MYO1A: variants seen among roughly 807,000 people sequenced by gnomAD.
MYO1A encodes the protein myosin IA, also known as unconventional myosin-Ia.
MYO1A carries 127 observed loss-of-function variants against 138.5 expected under a neutral mutation model. That is an observed-to-expected ratio of 0.92 (90% confidence interval 0.79 to 1.06). MYO1A has a LOEUF of 1.06. Among genes scored for constraint, MYO1A ranks in the 50% least tolerant of loss-of-function variants. The pLI is 0.00. For synonymous variants in MYO1A, 477 were observed against 497.5 expected, an observed-to-expected ratio of 0.96 and a Z score of 0.55; for missense variants, 1,211 against 1,288.8, an observed-to-expected ratio of 0.94 and a Z score of 0.92.
At chr12:57,030,029 A>C (rs1168976940) in intron 24 of MYO1A, 157 bp from the exon 25 acceptor site, 3 of 1,355,276 alleles carry the variant, frequency 2.2e-6, no homozygotes, top group Non-Finnish European at 3.1e-6. Context: ...CATCAGCACC[A>C]CCTGGGGAGT....
intron 22 of MYO1A, among the ~76,000 whole-genome samples, chr12:57,032,976 ACTAT>A (rs2030358410): frequency 6.6e-6 from 1 of 152,214 alleles, no homozygotes; most frequent in Non-Finnish European, 1.5e-5. Context: ...AACACCTTGC[ACTAT>A]CTGTGTGCTC....
chr12:57,047,865 A>T (rs1158871601), intron 3 of MYO1A, 124 bp downstream of exon 3: 2 of 1,559,486 alleles, frequency 1.3e-6, no homozygotes, highest in Non-Finnish European at 1.7e-6. Context: ...AGGGGCCTCC[A>T]GAAGGCCAGG....
intron 22 of MYO1A, among the ~76,000 whole-genome samples, chr12:57,034,725 T>C (rs1267594604): frequency 6.6e-6 from 1 of 151,878 alleles, no homozygotes; most frequent in Non-Finnish European, 1.5e-5. Context: ...TCCTAGCACT[T>C]TGGGAGGCCG....
Position 57,048,045 on chromosome 12 carries a change from C to T in MYO1A, c.174G>A (p.Gly58=), listed in dbSNP as rs769355052. The T allele has an allele frequency of 7.4e-6, 12 of 1,614,150 alleles. No homozygotes were observed. The highest frequency in any genetic ancestry group is 1.0e-5 in the Non-Finnish European group (12 of 1,180,022). The change falls in exon 3 of 28, where the codon GGG becomes GGA. Residue 58 remains glycine (G), a synonymous_variant. Transcript: ENST00000300119. ...VNPYQQLPIY[G]PEFIAKYQDY... ...CTTGATATTTGGCAATGAACTCTGGCCCATAGATGGGAAGCTGTTGATAGG... is the reference window on the plus strand; with the variant it reads ...CTTGATATTTGGCAATGAACTCTGGTCCATAGATGGGAAGCTGTTGATAGG...
At chr12:57,047,501 T>C (rs2031158359) in intron 4 of MYO1A, 94 bp from the exon 5 acceptor site, 5 of 1,497,064 alleles carry the variant, frequency 3.3e-6, no homozygotes, top group East Asian at 2.3e-5. Flanking sequence ...TCACCACCCC[T>C]TGGAGTCAGA....
intron 27 of MYO1A, 29 bp from the exon 28 acceptor site, chr12:57,028,910 G>C (rs753615797): frequency 6.2e-7 from 1 of 1,612,744 alleles, no homozygotes; most frequent in South Asian, 1.1e-5. Flanking sequence ...ACCAAGTCTA[G>C]TGCCCATCCC....
chr12:57,047,023 C>T, intron 6 of MYO1A, 38 bp downstream of exon 6: 1 of 1,613,610 alleles, frequency 6.2e-7, no homozygotes, highest in Non-Finnish European at 8.5e-7. Flanking sequence ...CTTAAGCCCC[C>T]ACATCCTCTC....
intron 13 of MYO1A, 70 bp downstream of exon 13, chr12:57,041,362 C>G: frequency 6.3e-7 from 1 of 1,594,138 alleles, no homozygotes; most frequent in Non-Finnish European, 8.6e-7. Context: ...TCCCCTCCCT[C>G]ACATCCCCCC....
chr12:57,049,353 G>A (rs1277839088), intron 1 of MYO1A, among the ~76,000 whole-genome samples: 3 of 152,228 alleles, frequency 2.0e-5, no homozygotes, highest in Non-Finnish European at 4.4e-5. Context: ...GAACAGGAAT[G>A]AAAGAGACAC....
At position 57,046,533 on chromosome 12, in the gene MYO1A, T is replaced by C. The variant is rs550377263; in HGVS notation, c.640+19A>G. 2.5e-6 allele frequency: 4 copies of C among 1,601,720 alleles called. No homozygotes were observed. Among genetic ancestry groups the C allele is most frequent in the Non-Finnish European group, 2.6e-6 (3 of 1,168,988 alleles). On this transcript the variant is annotated intron_variant, in intron 8 of 27. Transcript: ENST00000300119. ...CCATGTGTCACTCATGAGGACACTT[T>C]CCCCATGCAGGCACATACTCAGCAG...
At chr12:57,043,421 A>C (rs1331137100) in intron 10 of MYO1A, 63 bp from the exon 11 acceptor site, 1 of 1,494,888 alleles carries the variant, frequency 6.7e-7, no homozygotes, top group Admixed American at 1.7e-5. Flanking sequence ...GAGGGAGTGC[A>C]ATCTGATAAG....
chr12:57,032,689 GA>G (rs755496418), intron 22 of MYO1A, among the ~76,000 whole-genome samples: 1 of 149,844 alleles, frequency 6.7e-6, no homozygotes, highest in African/African-American at 2.5e-5. Flanking sequence ...TAAAAAAGAA[GA>G]AAAAAAAAGG....
At chr12:57,033,282 C>A (rs1446810105) in intron 22 of MYO1A, among the ~76,000 whole-genome samples, 1 of 152,196 alleles carries the variant, frequency 6.6e-6, no homozygotes, top group African/African-American at 2.4e-5. Flanking sequence ...TTTCCAGGAT[C>A]CAATCAAGCT....
At chr12:57,047,226 C>G (rs1015048866) in intron 5 of MYO1A, 77 bp downstream of exon 5, 2 of 1,581,152 alleles carry the variant, frequency 1.3e-6, no homozygotes, top group Admixed American at 3.3e-5. Context: ...TTTTGCAGCA[C>G]TGGGGAAGAG....
chr12:57,029,435 C>T lies in MYO1A; in HGVS notation c.2877G>A (p.Glu959=), dbSNP rs774383209. The change falls in exon 26 of 28, where the codon GAG becomes GAA. Residue 959 remains glutamate (E), a splice_region_variant and synonymous_variant. Coordinates refer to ENST00000300119, the MANE Select transcript of MYO1A (RefSeq NM_005379.4). ...GGCTTGCCCCACCCAGCTCTGATAC[C>T]TCACTCAGATGCAAGCTAAAGAGCC... ...KDGLFSLHLS[E]MSSVGSKGDF... 4 of 1,613,992 alleles carry T rather than the reference C, an allele frequency of 2.5e-6. No homozygotes were observed. Among genetic ancestry groups the T allele is most frequent in the Non-Finnish European group, 3.4e-6 (4 of 1,179,994 alleles).
Position 57,046,889 on chromosome 12 carries a change from G to T in MYO1A, c.515C>A (p.Ser172Tyr). 6.2e-7 allele frequency: 1 copy of T among 1,614,120 alleles called. No individual in the cohort carries two copies. ...YMDIEFDFKG[S>Y]PLGGVITNYL... ...GTTTGTGATGACACCACCGAGGGGG[G>T]ATCCCTTGAAGTCAAATTCAATATC... Residue 172 changes from serine (S) to tyrosine (Y), a missense_variant, in exon 7 of 28, where the codon TCC becomes TAC. By Grantham distance (144) the Ser-to-Tyr change is moderately radical. Coordinates refer to ENST00000300119, the MANE Select transcript of MYO1A (RefSeq NM_005379.4).
chr12:57,030,113 TG>T, intron 24 of MYO1A, 96 bp downstream of exon 24: 1 of 1,299,316 alleles, frequency 7.7e-7, no homozygotes, highest in Non-Finnish European at 1.1e-6. Flanking sequence ...ACACAGCACC[TG>T]GGGGTGACAA....
Position 57,036,187 on chromosome 12 carries a change from T to C in MYO1A, c.2349+120A>G, listed in dbSNP as rs189008144. On this transcript the variant is annotated intron_variant, in intron 22 of 27. Coordinates refer to ENST00000300119, the MANE Select transcript of MYO1A (RefSeq NM_005379.4). ...CTGCCCTCTTCTCCTAGGACTTAAG[T>C]ACATGCAGACTGAGGAAACTCTTGG... 4 of 993,346 alleles carry C rather than the reference T, an allele frequency of 4.0e-6. No homozygotes were observed. In the East Asian group the frequency reaches 9.8e-5, roughly 24 times the overall value. 61.5% of individuals were successfully genotyped at this position (993,346 alleles called of 1,614,324 possible).
intron 17 of MYO1A, 98 bp from the exon 18 acceptor site, chr12:57,038,167 G>GA (rs963598738): frequency 2.1e-5 from 30 of 1,450,440 alleles, no homozygotes; most frequent in African/African-American, 2.8e-5. Context: ...GCACTTCACT[G>GA]AAAAGTTTCA....
Sources: gnomAD v4.1 joint callset for allele counts (sites outside exome capture counted in the v4.1 genomes callset) on GRCh38, gnomAD v4.1.1 for gene constraint, MANE v1.5 for transcripts, NCBI Gene and HGNC (gene_info 2026-07-23, HGNC 2026-07-21) for gene names.